Variants in PTPRN2 observed in about 807,000 individuals in gnomAD.
PTPRN2 encodes protein tyrosine phosphatase receptor type N2.
Under a neutral mutation model 118.8 loss-of-function variants are expected in PTPRN2, and 74 were observed. The observed-to-expected ratio is 0.62, with a 90% CI of 0.52 to 0.76. The LOEUF (loss-of-function observed/expected upper bound fraction) is 0.76. Ranked by LOEUF, PTPRN2 falls within the 30% of genes least tolerant of loss-of-function variation. The probability of loss-of-function intolerance (pLI) is 0.00; values close to 1 mark genes in which losing one functional copy is unlikely to be tolerated. For synonymous variants in PTPRN2, 641 were observed against 608.0 expected, an observed-to-expected ratio of 1.05 and a Z score of -0.80; for missense variants, 1,481 against 1,394.4, an observed-to-expected ratio of 1.06 and a Z score of -0.99.
intron 3 of PTPRN2, among the ~76,000 whole-genome samples, chr7:158,294,565 C>T (rs917399396): frequency 1.3e-5 from 2 of 152,196 alleles, no homozygotes; most frequent in Non-Finnish European, 2.9e-5. Context: ...ACTGATATCC[C>T]TGAGCAACAG....
chr7:158,293,421 C>CA (rs1289878430), intron 3 of PTPRN2, among the ~76,000 whole-genome samples: 5 of 151,946 alleles, frequency 3.3e-5, no homozygotes, highest in African/African-American at 1.2e-4. Context: ...ACTAAAAATA[C>CA]AAAAATTAGC....
intron 11 of PTPRN2, among the ~76,000 whole-genome samples, chr7:158,080,314 CAAAAAA>C (rs556546951): frequency 0.31 from 22,730 of 72,354 alleles, 2,268 homozygotes; most frequent in South Asian, 0.5. Context: ...CAAATTTAAG[CAAAAAA>C]AAAAAAAAAA....
At chr7:158,149,233 G>T (rs985941112) in intron 6 of PTPRN2, among the ~76,000 whole-genome samples, 2 of 151,572 alleles carry the variant, frequency 1.3e-5, no homozygotes, top group Non-Finnish European at 2.9e-5. Context: ...TCTCCAAGCT[G>T]GCACCAATTA....
At chr7:158,423,200 A>G (rs1332124729) in intron 2 of PTPRN2, among the ~76,000 whole-genome samples, 1 of 152,270 alleles carries the variant, frequency 6.6e-6, no homozygotes, top group Admixed American at 6.5e-5. Context: ...CTGGGAAACA[A>G]GCAAGAAACC....
intron 2 of PTPRN2, among the ~76,000 whole-genome samples, chr7:158,386,438 C>T (rs980378670): frequency 2.0e-5 from 3 of 152,124 alleles, no homozygotes; most frequent in Non-Finnish European, 2.9e-5. Flanking sequence ...CCGAGTCCCT[C>T]CTCCCATGGT....
chr7:158,542,136 T>C (rs1826023473), intron 1 of PTPRN2, among the ~76,000 whole-genome samples: 1 of 152,204 alleles, frequency 6.6e-6, no homozygotes, highest in South Asian at 2.1e-4. Context: ...AGCCCCTTCT[T>C]TTTTTGTTGT....
chr7:157,722,602 G>A (rs563629375), intron 12 of PTPRN2, among the ~76,000 whole-genome samples: 6 of 152,306 alleles, frequency 3.9e-5, no homozygotes, highest in Middle Eastern at 3.4e-3. Context: ...CAACTCCTGC[G>A]TGGCCCGAGT....
chr7:157,938,667 T>C lies in PTPRN2; in HGVS notation c.1724-39930A>G, dbSNP rs183990139. On this transcript the variant is annotated intron_variant, in intron 11 of 22. Transcript: ENST00000389418. ...ACAAATTAAATGTGACGTGTTTAAGTTGCATTAAACTGATGAGATTTGAGG... is the reference window on the plus strand; with the variant it reads ...ACAAATTAAATGTGACGTGTTTAAGCTGCATTAAACTGATGAGATTTGAGG... 1.5e-3 allele frequency among the ~76,000 whole-genome samples: 223 copies of C among 152,390 alleles called. 2 individuals carry two copies. Among genetic ancestry groups the C allele is most frequent in the African/African-American group, 5.0e-3 (207 of 41,592 alleles).
intron 15 of PTPRN2, among the ~76,000 whole-genome samples, chr7:157,612,449 C>A (rs185667477): frequency 1.4e-3 from 206 of 152,312 alleles, no homozygotes; most frequent in African/African-American, 4.4e-3. Context: ...CTCCAAGGAG[C>A]TGAAACTAGG....
intron 19 of PTPRN2, among the ~76,000 whole-genome samples, chr7:157,573,757 G>T (rs113220944): frequency 1.6e-4 from 25 of 152,212 alleles, no homozygotes; most frequent in Non-Finnish European, 3.1e-4. Flanking sequence ...CCCCACTCCC[G>T]AAACTCCTGT....
In PTPRN2 at chr7:157,868,432, C is replaced by T. The variant is rs1810852033; in HGVS notation, c.1788+30241G>A. ...CCCAGCTGTAGGAAAGCAGACCCAG[C>T]CTCTGGATTAAAACCATGCCTGGAG... On this transcript the variant is annotated intron_variant, in intron 12 of 22. Transcript: ENST00000389418. The surrounding 1 kb of genome is among the most constrained non-coding windows in gnomAD (Gnocchi z 5.2). The T allele has an allele frequency of 6.6e-6, 1 of 152,272 alleles. No individual in the cohort carries two copies. The highest frequency in any genetic ancestry group is 2.4e-5 in the African/African-American group (1 of 41,456). The allele number at this position is 152,272 out of a possible 1,614,324, so 9.4% of individuals were successfully genotyped here.
At chr7:157,772,572 G>A (rs1802946162) in intron 12 of PTPRN2, among the ~76,000 whole-genome samples, 1 of 152,194 alleles carries the variant, frequency 6.6e-6, no homozygotes, top group African/African-American at 2.4e-5. Context: ...GCCTGTGAAC[G>A]ACTGTGACCT....
At chr7:158,515,184 TG>T (rs1823450585) in intron 1 of PTPRN2, among the ~76,000 whole-genome samples, 1 of 141,778 alleles carries the variant, frequency 7.1e-6, no homozygotes. Flanking sequence ...TCTCAGTGAG[TG>T]TATTTTTTTT....
chr7:158,494,510 G>C (rs1015385173), intron 1 of PTPRN2, among the ~76,000 whole-genome samples: 1 of 152,208 alleles, frequency 6.6e-6, no homozygotes, highest in Non-Finnish European at 1.5e-5. Flanking sequence ...GAGGTTCCTG[G>C]ACAGCAGGCT....
At chr7:158,061,651 A>G (rs1810350211) in intron 11 of PTPRN2, among the ~76,000 whole-genome samples, 1 of 152,222 alleles carries the variant, frequency 6.6e-6, no homozygotes, top group African/African-American at 2.4e-5. Flanking sequence ...TTGTCATTTC[A>G]GCACCGCTGC....
In PTPRN2 at chr7:157,632,319, C is replaced by T. The variant is rs764405036; in HGVS notation, c.2197-10810G>A. On this transcript the variant is annotated intron_variant, in intron 14 of 22. Transcript: ENST00000389418. This position sits in a 1 kb window ranked among gnomAD's most constrained non-coding sequence, Gnocchi z 4.3. ...TGGTGCACCAACGCCTGGTGATCCT[C>T]GATTTCAGTTTATGACTTCCACTAA... Among the ~76,000 whole-genome samples, 11 of 152,068 alleles carry T rather than the reference C, an allele frequency of 7.2e-5. No homozygotes were observed. The highest frequency in any genetic ancestry group is 5.8e-4 in the East Asian group (3 of 5,192).
intron 2 of PTPRN2, among the ~76,000 whole-genome samples, chr7:158,354,793 T>C (rs1014210689): frequency 5.3e-5 from 8 of 152,108 alleles, no homozygotes; most frequent in African/African-American, 1.9e-4. Context: ...TTTCTGAAAC[T>C]TGAGAAAGGT....
intron 11 of PTPRN2, chr7:158,028,456 A>G (rs1370867545): frequency 1.3e-5 from 2 of 152,284 alleles, no homozygotes; most frequent in South Asian, 2.1e-4. Flanking sequence ...ATTTCAGACG[A>G]GAGAGGAAAG....
intron 1 of PTPRN2, among the ~76,000 whole-genome samples, chr7:158,564,205 A>G (rs1243585547): frequency 6.6e-6 from 1 of 152,184 alleles, no homozygotes; most frequent in Non-Finnish European, 1.5e-5. Context: ...AATATGATAT[A>G]TTTAACTAAC....
Sources: gnomAD v4.1 joint callset for allele counts (sites outside exome capture counted in the v4.1 genomes callset) on GRCh38, gnomAD v4.1.1 for gene constraint, Gnocchi (gnomAD v3.1) non-coding constraint, MANE v1.5 for transcripts, NCBI Gene and HGNC (gene_info 2026-07-23, HGNC 2026-07-21) for gene names.